PHACTR2: variants seen among roughly 807,000 people sequenced by gnomAD.
PHACTR2 encodes the protein phosphatase and actin regulator 2, also known as chromosome 6 open reading frame 56.
Under a neutral mutation model 76.0 loss-of-function variants are expected in PHACTR2, and 30 were observed. The ratio of observed to expected loss-of-function variants is 0.39; its 90% CI spans 0.30 to 0.54. PHACTR2 has a LOEUF of 0.54. Ranked by LOEUF, PHACTR2 falls within the 20% of genes least tolerant of loss-of-function variation. The pLI is 0.61. For synonymous variants in PHACTR2, 292 were observed against 292.5 expected, an observed-to-expected ratio of 1.00 and a Z score of 0.02; for missense variants, 696 against 781.1, an observed-to-expected ratio of 0.89 and a Z score of 1.30.
rs764988690 is a variant in PHACTR2 at position 143,646,795 on chromosome 6, G to T, written c.13+38473G>T. Among the ~76,000 whole-genome samples the T allele has an allele frequency of 6.6e-6, 1 of 152,152 alleles. No individual in the cohort carries two copies. The highest frequency in any genetic ancestry group is 2.4e-5 in the African/African-American group (1 of 41,440). On this transcript the variant is annotated intron_variant, in intron 1 of 11. Coordinates refer to the PHACTR2 transcript ENST00000305766. The surrounding 1 kb of genome is among the most constrained non-coding windows in gnomAD (Gnocchi z 4.1). ...TGAAAAAGTATGTAAGAAAAGCCTT[G>T]TTCTCTCTTGACATGAAGTTATGCT...
intron 2 of PHACTR2, 160 bp downstream of exon 2, chr6:143,712,343 A>C: frequency 2.5e-6 from 1 of 404,800 alleles, no homozygotes; most frequent in Non-Finnish European, 4.2e-6. Flanking sequence ...AAACAACTTA[A>C]GAGTTCTGAT....
chr6:143,765,469 C>A lies in PHACTR2; in HGVS notation c.903C>A (p.Asp301Glu), dbSNP rs1253859617. The change falls in exon 6 of 13, where the codon GAC (aspartate) becomes GAA (glutamate). Residue 301 changes from aspartate to glutamate, a missense_variant. Transcript: ENST00000440869. The surrounding 1 kb of genome is among the most constrained non-coding windows in gnomAD (Gnocchi z 4.1). ...SSDTTTSGTS[D>E]LKGEPAETRV... Reference sequence around the variant, plus strand: ...ACACAACAACTTCTGGCACATCCGACCTGAAAGGAGAGCCTGCAGAGACCA... The same window carrying A: ...ACACAACAACTTCTGGCACATCCGAACTGAAAGGAGAGCCTGCAGAGACCA... 1 of 1,614,054 alleles carries A rather than the reference C, an allele frequency of 6.2e-7. No individual in the cohort carries two copies.
At position 143,619,738 on chromosome 6, in the gene PHACTR2, A is replaced by G. The variant is rs1776119046; in HGVS notation, c.13+11416A>G. Among the ~76,000 whole-genome samples, 1 of 152,210 alleles carries G rather than the reference A, an allele frequency of 6.6e-6. No homozygotes were observed. Among genetic ancestry groups the G allele is most frequent in the Non-Finnish European group, 1.5e-5 (1 of 68,042 alleles). On this transcript the variant is annotated intron_variant, in intron 1 of 11. Coordinates refer to the PHACTR2 transcript ENST00000305766. The surrounding 1 kb of genome is among the most constrained non-coding windows in gnomAD (Gnocchi z 4.5). ...TTCACATCCTGGGTCTTATTTTCTT[A>G]GTAAGGGAAATTTGGCAACCCTCCA...
At chr6:143,734,928 T>A (rs1778784146) in intron 2 of PHACTR2, among the ~76,000 whole-genome samples, 1 of 152,228 alleles carries the variant, frequency 6.6e-6, no homozygotes, top group South Asian at 2.1e-4. Context: ...TTTTATTTCC[T>A]TTGCATATTA....
intron 6 of PHACTR2, among the ~76,000 whole-genome samples, chr6:143,771,969 C>A (rs1775162641): frequency 6.6e-6 from 1 of 152,164 alleles, no homozygotes; most frequent in African/African-American, 2.4e-5. Context: ...CCTGAAGGAG[C>A]TGAGGCTGTA....
intron 1 of PHACTR2, among the ~76,000 whole-genome samples, chr6:143,691,377 A>T (rs1777639325): frequency 6.6e-6 from 1 of 152,128 alleles, no homozygotes; most frequent in Admixed American, 6.5e-5. Flanking sequence ...AGAGACTCAG[A>T]TGTTCTGTAC....
rs1776223127 is a variant in PHACTR2 at position 143,624,662 on chromosome 6, T to A, written c.13+16340T>A. Among the ~76,000 whole-genome samples, 1 of 152,052 alleles carries A rather than the reference T, an allele frequency of 6.6e-6. No individual in the cohort carries two copies. Among genetic ancestry groups the A allele is most frequent in the African/African-American group, 2.4e-5 (1 of 41,396 alleles). Reference sequence around the variant, plus strand: ...GCCTGTGTCTGCTTGGATGGGGACATGTGTTCAATCTGCCCTTGAGGAGCT... The same window carrying A: ...GCCTGTGTCTGCTTGGATGGGGACAAGTGTTCAATCTGCCCTTGAGGAGCT... On this transcript the variant is annotated intron_variant, in intron 1 of 11. Transcript: ENST00000305766. The surrounding 1 kb of genome is among the most constrained non-coding windows in gnomAD (Gnocchi z 4.6).
upstream of PHACTR2, among the ~76,000 whole-genome samples, chr6:143,603,246 G>A (rs1484104037): frequency 6.6e-6 from 1 of 151,196 alleles, no homozygotes; most frequent in East Asian, 1.9e-4. Context: ...AAAATTATTC[G>A]ATGACACTTG....
At position 143,663,469 on chromosome 6, in the gene PHACTR2, C is replaced by G. The variant is rs1776977796; in HGVS notation, c.14-48547C>G. On this transcript the variant is annotated intron_variant, in intron 1 of 11. Transcript: ENST00000305766. The surrounding 1 kb of genome is among the most constrained non-coding windows in gnomAD (Gnocchi z 4.1). Reference sequence around the variant, plus strand: ...ACTCTGTTCTTTTTTCTTTTCTTTCCCTTTTTAGCTTTATCATTTAATATT... The same window carrying G: ...ACTCTGTTCTTTTTTCTTTTCTTTCGCTTTTTAGCTTTATCATTTAATATT... Among the ~76,000 whole-genome samples the G allele has an allele frequency of 6.6e-6, 1 of 151,662 alleles. No individual in the cohort carries two copies. The highest frequency in any genetic ancestry group is 2.4e-5 in the African/African-American group (1 of 41,296).
chr6:143,562,283 C>T lies in PHACTR2; in HGVS notation c.217+25076C>T, dbSNP rs10872559. On this transcript the variant is annotated intron_variant, in intron 1 of 11. Transcript: ENST00000367584. This position sits in a 1 kb window ranked among gnomAD's most constrained non-coding sequence, Gnocchi z 5.1. ...AGTTCTGCAGGCTGTACAGGAAGCACGGTGCTGGCATCTGCTTGGCCTCCC... is the reference window on the plus strand; with the variant it reads ...AGTTCTGCAGGCTGTACAGGAAGCATGGTGCTGGCATCTGCTTGGCCTCCC... Among the ~76,000 whole-genome samples the T allele has an allele frequency of 0.43, 65,488 of 151,892 alleles. 14,265 individuals carry two copies. The highest frequency in any genetic ancestry group is 0.56 in the South Asian group (2,682 of 4,816).
Position 143,639,271 on chromosome 6 carries a change from C to T in PHACTR2, c.13+30949C>T, listed in dbSNP as rs1776523631. Among the ~76,000 whole-genome samples the T allele has an allele frequency of 6.6e-6, 1 of 152,144 alleles. No homozygotes were observed. Among genetic ancestry groups the T allele is most frequent in the Admixed American group, 6.5e-5 (1 of 15,280 alleles). ...CAAAACAAATTAATGGTAAGATATACCTATAGCAATGTAATGTTGTAAAAC... is the reference window on the plus strand; with the variant it reads ...CAAAACAAATTAATGGTAAGATATATCTATAGCAATGTAATGTTGTAAAAC... On this transcript the variant is annotated intron_variant, in intron 1 of 11. Coordinates refer to the PHACTR2 transcript ENST00000305766. The surrounding 1 kb of genome is among the most constrained non-coding windows in gnomAD (Gnocchi z 5.0).
chr6:143,667,115 C>A (rs1272109026), intron 1 of PHACTR2, among the ~76,000 whole-genome samples: 1 of 152,202 alleles, frequency 6.6e-6, no homozygotes, highest in African/African-American at 2.4e-5. Flanking sequence ...GTTTTCCCAA[C>A]ACCATTTATT....
At chr6:143,769,767 ATAT>A (rs1562300040) in intron 6 of PHACTR2, among the ~76,000 whole-genome samples, 1 of 152,228 alleles carries the variant, frequency 6.6e-6, no homozygotes, top group African/African-American at 2.4e-5. Flanking sequence ...TATTCAGAAC[ATAT>A]TATTAATTGG....
At position 143,816,846 on chromosome 6, in the gene PHACTR2, G is replaced by T. The variant is rs772545804; in HGVS notation, c.1923-6828G>T. On this transcript the variant is annotated intron_variant, in intron 12 of 12. Coordinates refer to ENST00000440869, the MANE Select transcript of PHACTR2 (RefSeq NM_001100164.2). This position sits in a 1 kb window ranked among gnomAD's most constrained non-coding sequence, Gnocchi z 4.5. Reference sequence around the variant, plus strand: ...TTTGGGAGGCTGAGGCGGGAGGATCGCTTGAGGCCAGGAGTTCAAGACCAG... The same window carrying T: ...TTTGGGAGGCTGAGGCGGGAGGATCTCTTGAGGCCAGGAGTTCAAGACCAG... Among the ~76,000 whole-genome samples the T allele has an allele frequency of 1.3e-5, 2 of 151,956 alleles. No individual in the cohort carries two copies. The highest frequency in any genetic ancestry group is 4.8e-5 in the African/African-American group (2 of 41,374).
rs1311696714 is a variant in PHACTR2 at position 143,580,967 on chromosome 6, C to T, written c.217+43760C>T. ...GAAGGGACCATTTCTGGCAACACAG[C>T]AGACCAGATATCCTATAAAAGTCTT... On this transcript the variant is annotated intron_variant, in intron 1 of 11. Coordinates refer to the PHACTR2 transcript ENST00000367584. This position sits in a 1 kb window ranked among gnomAD's most constrained non-coding sequence, Gnocchi z 4.2. Among the ~76,000 whole-genome samples the T allele has an allele frequency of 6.6e-6, 1 of 152,176 alleles. No homozygotes were observed. The highest frequency in any genetic ancestry group is 1.9e-4 in the East Asian group (1 of 5,184).
chr6:143,587,362 T>A (rs1775641745), intron 1 of PHACTR2, among the ~76,000 whole-genome samples: 1 of 152,194 alleles, frequency 6.6e-6, no homozygotes, highest in Non-Finnish European at 1.5e-5. Flanking sequence ...GATCAAGAAT[T>A]ACTATATTTT....
chr6:143,661,427 C>A (rs1357663833), intron 1 of PHACTR2, among the ~76,000 whole-genome samples: 2 of 151,986 alleles, frequency 1.3e-5, no homozygotes, highest in African/African-American at 4.8e-5. Context: ...AAAACAAAAT[C>A]TAGAGCACTT....
At chr6:143,717,623 G>A (rs905729490) in intron 2 of PHACTR2, among the ~76,000 whole-genome samples, 3 of 151,536 alleles carry the variant, frequency 2.0e-5, no homozygotes, top group Non-Finnish European at 2.9e-5. Context: ...CCAGGCTGGA[G>A]TGCAGTGGCA....
rs372509172 is a variant in PHACTR2, at chr6:143,765,714, A to G, written c.1148A>G (p.Gln383Arg). ...DLPVSALDPS[Q>R]LLWAEEPTNR... Reference sequence around the variant, plus strand: ...CCCGTCTCTGCCTTAGACCCAAGTCAGCTTCTTTGGGCTGAAGAGCCGACG... The same window carrying G: ...CCCGTCTCTGCCTTAGACCCAAGTCGGCTTCTTTGGGCTGAAGAGCCGACG... The change falls in exon 6 of 13, where the codon CAG becomes CGG. Residue 383 changes from glutamine (Q) to arginine (R), a missense_variant. Around this residue, in one of 2 missense-constraint regions of PHACTR2, gnomAD observed 236 missense variants for 330.2 expected, o/e 0.71. Transcript: ENST00000440869. This position sits in a 1 kb window ranked among gnomAD's most constrained non-coding sequence, Gnocchi z 4.1. The G allele has an allele frequency of 1.3e-5, 21 of 1,614,124 alleles. No individual in the cohort carries two copies. The highest frequency in any genetic ancestry group is 6.7e-5 in the African/African-American group (5 of 74,942).
Sources: allele counts gnomAD v4.1 joint callset (sites outside exome capture counted in the v4.1 genomes callset), GRCh38; gene constraint gnomAD v4.1.1; regional missense constraint gnomAD v4.1.1; non-coding constraint Gnocchi (gnomAD v3.1); transcripts MANE v1.5; gene names NCBI Gene and HGNC (gene_info 2026-07-23, HGNC 2026-07-21).